The following ARID5A variants were observed in gnomAD, a reference collection of about 807,000 sequenced individuals.
ARID5A encodes the protein AT-rich interaction domain 5A.
A neutral mutation model predicts 30.5 loss-of-function variants in ARID5A; 14 were observed. The ratio of observed to expected loss-of-function variants is 0.46; its 90% CI spans 0.30 to 0.72. ARID5A has a LOEUF of 0.72. Among genes scored for constraint, ARID5A ranks in the 30% least tolerant of loss-of-function variants. The pLI is 0.07. For missense variants in ARID5A, 669 were observed against 786.2 expected (o/e 0.85, Z 1.78); for synonymous variants, 338 against 340.4 (o/e 0.99, Z 0.08).
intron 1 of ARID5A, 126 bp from the exon 2 acceptor site, chr2:96,547,276 C>A: frequency 1.3e-6 from 1 of 743,602 alleles, no homozygotes; most frequent in African/African-American, 1.8e-5. Flanking sequence ...AGGAGTGAGC[C>A]CCTGCACTGG....
intron 1 of ARID5A, chr2:96,538,385 C>A: frequency 2.1e-6 from 2 of 959,188 alleles, no homozygotes; most frequent in Non-Finnish European, 2.5e-6. Context: ...TCCCCCGCAC[C>A]TCCTTCCCTT....
In ARID5A at chr2:96,550,963, A is replaced by G; in HGVS notation, c.571-136A>G. On this transcript the variant is annotated intron_variant, in intron 6 of 6. Transcript: ENST00000357485. The surrounding 1 kb of genome is among the most constrained non-coding windows in gnomAD (Gnocchi z 6.6). ...GCTGTGTCCACTCAGAGGACAGGGCACCTTTGGAAAATTCTGTACAGAGGA... is the reference window on the plus strand; with the variant it reads ...GCTGTGTCCACTCAGAGGACAGGGCGCCTTTGGAAAATTCTGTACAGAGGA... The G allele has an allele frequency of 8.1e-7, 1 of 1,240,674 alleles. No homozygotes were observed. Among genetic ancestry groups the G allele is most frequent in the Non-Finnish European group, 1.1e-6 (1 of 893,948 alleles). The allele number at this position is 1,240,674 out of a possible 1,614,324, so 76.9% of individuals were successfully genotyped here. A position where few individuals can be genotyped will look rare whatever the true frequency, so the allele number is the denominator to read the frequency against.
At position 96,552,294 on chromosome 2, in the gene ARID5A, AC is replaced by A; in HGVS notation, c.1768del (p.Leu590SerfsTer111). Reference protein sequence around the residue: ...VTTYAAPHFFHLNTKL With the variant: ...VTTYAAPHFFXLNTKL ...ACCTATGCAGCGCCCCACTTCTTCC[AC>A]CTCAACACCAAGCTGTAGGCCAGCC... On this transcript the variant is annotated frameshift_variant, in exon 7 of 7. Coordinates refer to ENST00000357485, the MANE Select transcript of ARID5A (RefSeq NM_212481.3). LOFTEE classifies it high-confidence loss of function. 1.2e-6 allele frequency: 2 copies of A among 1,613,040 alleles called. No individual in the cohort carries two copies. The highest frequency in any genetic ancestry group is 1.7e-6 in the Non-Finnish European group (2 of 1,179,784).
In ARID5A at chr2:96,552,284, C is replaced by T. The variant is rs1373324783; in HGVS notation, c.1756C>T (p.His586Tyr). 10 of 1,613,094 alleles carry T rather than the reference C, an allele frequency of 6.2e-6. No homozygotes were observed. The highest frequency in any genetic ancestry group is 7.6e-6 in the Non-Finnish European group (9 of 1,179,758). ...ACCAGTCACAACCTATGCAGCGCCC[C>T]ACTTCTTCCACCTCAACACCAAGCT... is the stretch of plus-strand genomic sequence containing the variant. ...APPVTTYAAP[H>Y]FFHLNTKL The change falls in exon 7 of 7, where the codon CAC (histidine) becomes TAC (tyrosine). Residue 586 changes from histidine to tyrosine, a missense_variant. Around this residue, in one of 4 missense-constraint regions of ARID5A, gnomAD observed 548 missense variants for 577.4 expected, o/e 0.95. Transcript: ENST00000357485.
intron 1 of ARID5A, among the ~76,000 whole-genome samples, chr2:96,545,156 CT>C (rs35156624): frequency 0.29 from 33,332 of 115,788 alleles, 2,905 homozygotes; most frequent in African/African-American, 0.32. Flanking sequence ...TTTTCTTTTT[CT>C]TTTTTTTTTT....
Position 96,549,879 on chromosome 2 carries a change from T to C in ARID5A, c.312+74T>C. ...GAGCCTGCAGCGCTGTCCTTGCCTCTGGACAGAGGAAGAGCCAGGATCCCC... is the reference window on the plus strand; with the variant it reads ...GAGCCTGCAGCGCTGTCCTTGCCTCCGGACAGAGGAAGAGCCAGGATCCCC... On this transcript the variant is annotated intron_variant, in intron 4 of 6. Transcript: ENST00000357485. This position sits in a 1 kb window ranked among gnomAD's most constrained non-coding sequence, Gnocchi z 6.1. 2.6e-6 allele frequency: 4 copies of C among 1,566,236 alleles called. No individual in the cohort carries two copies. Among genetic ancestry groups the C allele is most frequent in the African/African-American group, 1.4e-5 (1 of 73,990 alleles).
At chr2:96,543,591 C>T (rs1431201414) in intron 1 of ARID5A, among the ~76,000 whole-genome samples, 1 of 152,158 alleles carries the variant, frequency 6.6e-6, no homozygotes, top group Admixed American at 6.5e-5. Context: ...ACCCCACCCA[C>T]AAAGACAGTG....
chr2:96,550,331 G>A lies in ARID5A; in HGVS notation c.410+46G>A. 1 of 1,425,340 alleles carries A rather than the reference G, an allele frequency of 7.0e-7. No homozygotes were observed. Among genetic ancestry groups the A allele is most frequent in the Non-Finnish European group, 9.1e-7 (1 of 1,097,202 alleles). 88.3% of individuals were successfully genotyped at this position (1,425,340 alleles called of 1,614,324 possible). Reference sequence around the variant, plus strand: ...GTGCTGGACGCCGCCTACCCTGCGGGGCTTTGGCCGACCTTGCCGGGAGGG... The same window carrying A: ...GTGCTGGACGCCGCCTACCCTGCGGAGCTTTGGCCGACCTTGCCGGGAGGG... On this transcript the variant is annotated intron_variant, in intron 5 of 6. Transcript: ENST00000357485. The surrounding 1 kb of genome is among the most constrained non-coding windows in gnomAD (Gnocchi z 6.6).
intron 1 of ARID5A, among the ~76,000 whole-genome samples, chr2:96,543,627 G>A (rs1038821940): frequency 2.5e-4 from 38 of 152,036 alleles, no homozygotes. Context: ...TGTTGTGTGT[G>A]CTCCTCCTCC....
rs2065782802 is a variant in ARID5A at position 96,538,402 on chromosome 2, C to CCA, written c.4+1573_4+1574insAC. The CCA allele has an allele frequency of 1.5e-5, 14 of 916,630 alleles. No homozygotes were observed. The South Asian group carries it at 6.6e-4, about 43-fold the overall frequency. 56.8% of individuals were successfully genotyped at this position (916,630 alleles called of 1,614,324 possible). A position where few individuals can be genotyped will look rare whatever the true frequency, so the allele number is the denominator to read the frequency against. On this transcript the variant is annotated intron_variant, in intron 1 of 6. Coordinates refer to ENST00000357485, the MANE Select transcript of ARID5A (RefSeq NM_212481.3). ...CCCCGCACCTCCTTCCCTTTCTGTA[C>CCA]CCTCTGGTGGCTCTTGTGGCCTCAG...
At position 96,543,011 on chromosome 2, in the gene ARID5A, A is replaced by G. The variant is rs150026851; in HGVS notation, c.5-4391A>G. 2.3e-3 allele frequency among the ~76,000 whole-genome samples: 345 copies of G among 152,348 alleles called. 2 individuals are homozygous for G. The highest frequency in any genetic ancestry group is 8.0e-3 in the African/African-American group (334 of 41,574). ...TCACAGAGGACTTGGTTGGAAAGGCATCAGTCTGCTGGGTCACTTGTTAGT... is the reference window on the plus strand; with the variant it reads ...TCACAGAGGACTTGGTTGGAAAGGCGTCAGTCTGCTGGGTCACTTGTTAGT... On this transcript the variant is annotated intron_variant, in intron 1 of 6. Transcript: ENST00000357485.
intron 1 of ARID5A, 53 bp downstream of exon 1, chr2:96,536,883 G>T: frequency 8.2e-7 from 1 of 1,225,128 alleles, no homozygotes; most frequent in Admixed American, 4.3e-5. Flanking sequence ...CCTGCAGGGA[G>T]GTTCAAGGTG....
intron 1 of ARID5A, chr2:96,538,067 C>T: frequency 5.1e-6 from 5 of 985,446 alleles, no homozygotes; most frequent in Non-Finnish European, 6.0e-6. Context: ...AGCTCAGAGC[C>T]CAATCCAGGC....
intron 1 of ARID5A, among the ~76,000 whole-genome samples, chr2:96,542,161 G>T (rs1395871761): frequency 6.6e-6 from 1 of 152,190 alleles, no homozygotes; most frequent in Non-Finnish European, 1.5e-5. Context: ...GAAAGGGAGG[G>T]ATTAGGGCAG....
At chr2:96,551,031 A>G in intron 6 of ARID5A, 68 bp from the exon 7 acceptor site, 1 of 1,519,108 alleles carries the variant, frequency 6.6e-7, no homozygotes. Context: ...TGAAAGTGCC[A>G]CCTCTTGCTC....
intron 1 of ARID5A, among the ~76,000 whole-genome samples, chr2:96,540,110 A>G (rs1404889887): frequency 1.3e-5 from 2 of 152,206 alleles, no homozygotes; most frequent in African/African-American, 4.8e-5. Context: ...CAGCAATGCA[A>G]TGTTGTATGA....
At chr2:96,551,026 G>A (rs2066028933) in intron 6 of ARID5A, 73 bp from the exon 7 acceptor site, 3 of 1,508,460 alleles carry the variant, frequency 2.0e-6, no homozygotes, top group Non-Finnish European at 2.7e-6. Context: ...AGGCCTGAAA[G>A]TGCCACCTCT....
At position 96,550,295 on chromosome 2, in the gene ARID5A, G is replaced by C. The variant is rs1209768989; in HGVS notation, c.410+10G>C. The C allele has an allele frequency of 2.8e-6, 4 of 1,438,410 alleles. No homozygotes were observed. In the East Asian group the frequency reaches 7.8e-5, roughly 28 times the overall value. The allele number at this position is 1,438,410 out of a possible 1,614,324, so 89.1% of individuals were successfully genotyped here. A position where few individuals can be genotyped will look rare whatever the true frequency, so the allele number is the denominator to read the frequency against. Reference sequence around the variant, plus strand: ...GCCGCCACTACGAGAGGTACGGCGGGGCGGGCCCGGGTGCTGGACGCCGCC... The same window carrying C: ...GCCGCCACTACGAGAGGTACGGCGGCGCGGGCCCGGGTGCTGGACGCCGCC... On this transcript the variant is annotated intron_variant, in intron 5 of 6. Transcript: ENST00000357485. The surrounding 1 kb of genome is among the most constrained non-coding windows in gnomAD (Gnocchi z 6.6).
At chr2:96,547,664 T>G (rs2065952996) in intron 2 of ARID5A, 147 bp downstream of exon 2, 1 of 698,150 alleles carries the variant, frequency 1.4e-6, no homozygotes, top group Non-Finnish European at 2.3e-6. Flanking sequence ...CCAGGGGACT[T>G]ACTTGTCATC....
Sources: allele counts gnomAD v4.1 joint callset (sites outside exome capture counted in the v4.1 genomes callset), GRCh38; gene constraint gnomAD v4.1.1; regional missense constraint gnomAD v4.1.1; non-coding constraint Gnocchi (gnomAD v3.1); transcripts MANE v1.5; gene names NCBI Gene and HGNC (gene_info 2026-07-23, HGNC 2026-07-21).